Variants in PATL2 observed in about 807,000 individuals in gnomAD.
PATL2 encodes protein PAT1 homolog 2.
A neutral mutation model predicts 77.0 loss-of-function variants in PATL2; 73 were observed. The ratio of observed to expected loss-of-function variants is 0.95; its 90% confidence interval spans 0.78 to 1.15. PATL2 has a LOEUF of 1.15. Among genes scored for constraint, PATL2 ranks in the 50% most tolerant of loss-of-function variants. The pLI, the probability that PATL2 is intolerant of heterozygous loss-of-function variation, is 0.00. For missense variants in PATL2, 618 were observed against 655.4 expected (o/e 0.94, Z 0.62); for synonymous variants, 265 against 257.1 (o/e 1.03, Z -0.29).
intron 15 of PATL2, 155 bp from the exon 16 acceptor site, chr15:44,667,358 C>G (rs2085429103): frequency 1.6e-6 from 1 of 616,648 alleles, no homozygotes; most frequent in Admixed American, 2.7e-5. Flanking sequence ...CACTGGTGAG[C>G]CAAAGAACTC....
At chr15:44,672,579 C>T (rs1484386196) in intron 7 of PATL2, 123 bp from the exon 8 acceptor site, 2 of 960,570 alleles carry the variant, frequency 2.1e-6, no homozygotes, top group Non-Finnish European at 3.1e-6. Context: ...TAGGTACTTT[C>T]CCAAAGTCAG....
intron 3 of PATL2, among the ~76,000 whole-genome samples, chr15:44,703,551 C>G (rs902532773): frequency 6.6e-6 from 1 of 151,820 alleles, no homozygotes; most frequent in South Asian, 2.1e-4. Flanking sequence ...TTCTTTGTCT[C>G]TTTTTATAGT....
rs1299316118 is a variant in PATL2, at chr15:44,669,770, C to T, written c.876+7G>A. On this transcript the variant is annotated splice_region_variant and intron_variant, in intron 11 of 17. Transcript: ENST00000682850. ...GAGAAAAATGTCTGGGAAGATAGTG[C>T]TCCCACCTGCTCTTGAGTTCCATGG... The T allele has an allele frequency of 1.1e-5, 17 of 1,551,424 alleles. No individual in the cohort carries two copies. Among genetic ancestry groups the T allele is most frequent in the Non-Finnish European group, 1.4e-5 (16 of 1,146,842 alleles).
At position 44,676,542 on chromosome 15, in the gene PATL2, A is replaced by C; in HGVS notation, c.-52T>G. ...TAGCCGTGTCCTCCAGTGAAACAGC[A>C]TTGCCAGCCTCTGGAAGGTAAACCT... On this transcript the variant is annotated 5_prime_UTR_variant, in exon 4 of 18. An upstream start codon of the reference 5' UTR is lost. Transcript: ENST00000682850. The C allele has an allele frequency of 6.4e-7, 1 of 1,551,056 alleles. No individual in the cohort carries two copies. Among genetic ancestry groups the C allele is most frequent in the Non-Finnish European group, 8.7e-7 (1 of 1,146,592 alleles).
intron 3 of PATL2, among the ~76,000 whole-genome samples, chr15:44,680,206 T>C (rs1015087923): frequency 9.2e-5 from 14 of 152,214 alleles, no homozygotes; most frequent in African/African-American, 3.4e-4. Context: ...GTTACACCAC[T>C]TGAATGTGCC....
chr15:44,676,532 G>A lies in PATL2; in HGVS notation c.-42C>T. 1.9e-6 allele frequency: 3 copies of A among 1,551,232 alleles called. No homozygotes were observed. Among genetic ancestry groups the A allele is most frequent in the Non-Finnish European group, 2.6e-6 (3 of 1,146,714 alleles). ...ACTTCCTTCTTAGCCGTGTCCTCCA[G>A]TGAAACAGCATTGCCAGCCTCTGGA... On this transcript the variant is annotated 5_prime_UTR_variant, in exon 4 of 18. Transcript: ENST00000682850.
intron 3 of PATL2, among the ~76,000 whole-genome samples, chr15:44,677,886 C>G (rs1202007236): frequency 6.6e-6 from 1 of 152,184 alleles, no homozygotes; most frequent in African/African-American, 2.4e-5. Context: ...GTCACCCAGG[C>G]TTGAGTGCAG....
chr15:44,686,235 G>C (rs1386999431), intron 3 of PATL2, among the ~76,000 whole-genome samples: 1 of 152,148 alleles, frequency 6.6e-6, no homozygotes, highest in Admixed American at 6.5e-5. Context: ...AATCAAATTA[G>C]AACTCAGGAT....
chr15:44,694,779 A>G (rs1319612336), intron 3 of PATL2, among the ~76,000 whole-genome samples: 2 of 152,220 alleles, frequency 1.3e-5, no homozygotes, highest in Non-Finnish European at 2.9e-5. Flanking sequence ...GAGGCAAACC[A>G]CTGTTACGAC....
intron 3 of PATL2, among the ~76,000 whole-genome samples, chr15:44,692,120 A>G (rs2086406418): frequency 6.6e-6 from 1 of 152,230 alleles, no homozygotes; most frequent in African/African-American, 2.4e-5. Context: ...CGGTTAAATA[A>G]AAAGCAGTTT....
chr15:44,681,314 C>G (rs546671132), intron 3 of PATL2, among the ~76,000 whole-genome samples: 1 of 152,326 alleles, frequency 6.6e-6, no homozygotes, highest in East Asian at 1.9e-4. Context: ...CCACTTCTCT[C>G]GGCTGTGATT....
intron 15 of PATL2, 122 bp downstream of exon 15, chr15:44,668,220 A>G (rs2085479772): frequency 1.6e-6 from 2 of 1,215,890 alleles, no homozygotes; most frequent in African/African-American, 3.1e-5. Context: ...TGCTTACTAG[A>G]AATAGAGAAG....
intron 3 of PATL2, among the ~76,000 whole-genome samples, chr15:44,690,287 A>G (rs912852883): frequency 1.3e-5 from 2 of 152,226 alleles, no homozygotes; most frequent in African/African-American, 2.4e-5. Flanking sequence ...TTGTCTACAA[A>G]AAAATTTAAG....
chr15:44,676,911 C>T, intron 3 of PATL2: 1 of 1,034,914 alleles, frequency 9.7e-7, no homozygotes, highest in Non-Finnish European at 1.2e-6. Context: ...TCATAGCAGC[C>T]TGGGCCAGGA....
chr15:44,667,569 A>T (rs576675389), intron 15 of PATL2, among the ~76,000 whole-genome samples: 2 of 152,340 alleles, frequency 1.3e-5, no homozygotes, highest in East Asian at 3.9e-4. Context: ...CATACATGAG[A>T]TAACCCACTG....
chr15:44,666,146 G>C (rs1284716575), intron 17 of PATL2, among the ~76,000 whole-genome samples, 175 bp from the exon 18 acceptor site: 2 of 152,142 alleles, frequency 1.3e-5, no homozygotes, highest in Admixed American at 6.6e-5. Context: ...GAATAATTCA[G>C]GTTCTTAAAT....
chr15:44,674,594 G>A (rs1454786054), intron 5 of PATL2, among the ~76,000 whole-genome samples: 2 of 151,950 alleles, frequency 1.3e-5, no homozygotes, highest in African/African-American at 4.8e-5. Flanking sequence ...TAGAGTCAGG[G>A]TCTTGCTCTG....
At position 44,675,509 on chromosome 15, in the gene PATL2, G is replaced by C; in HGVS notation, c.199C>G (p.Leu67Val). 2 of 1,551,712 alleles carry C rather than the reference G, an allele frequency of 1.3e-6. No homozygotes were observed. Among genetic ancestry groups the C allele is most frequent in the Non-Finnish European group, 1.7e-6 (2 of 1,146,970 alleles). ...EENDLGDPAV[L>V]GAVHNTQRAL... Reference sequence around the variant, plus strand: ...ACCTGGGTGTTGTGGACAGCACCAAGTACAGCTGGATCCCCAAGATCATTC... The same window carrying C: ...ACCTGGGTGTTGTGGACAGCACCAACTACAGCTGGATCCCCAAGATCATTC... The change falls in exon 5 of 18, where the codon CTT becomes GTT. Residue 67 changes from leucine to valine, a missense_variant. Coordinates refer to ENST00000682850, the MANE Select transcript of PATL2 (RefSeq NM_001387263.1).
intron 3 of PATL2, among the ~76,000 whole-genome samples, chr15:44,708,925 G>C (rs1391264561): frequency 6.6e-6 from 1 of 152,138 alleles, no homozygotes; most frequent in East Asian, 1.9e-4. Flanking sequence ...TTGAGATGAA[G>C]TCTTGCTCTG....
Sources: gnomAD v4.1 joint callset for allele counts (sites outside exome capture counted in the v4.1 genomes callset) on GRCh38, gnomAD v4.1.1 for gene constraint, MANE v1.5 for transcripts, NCBI Gene and HGNC (gene_info 2026-07-23, HGNC 2026-07-21) for gene names.